Variants in ALCAM observed in about 807,000 individuals in gnomAD.
The protein encoded by ALCAM is CD166 antigen.
ALCAM carries 30 observed loss-of-function variants against 70.9 expected under a neutral mutation model. That is an observed-to-expected ratio of 0.42 (90% confidence interval 0.32 to 0.57). ALCAM has a LOEUF of 0.57. ALCAM is among the 20% of genes least tolerant of loss of function. The pLI is 0.11. For missense variants in ALCAM, 591 were observed against 695.1 expected, an observed-to-expected ratio of 0.85 and a Z score of 1.68; for synonymous variants, 249 against 242.5, an observed-to-expected ratio of 1.03 and a Z score of -0.25.
At chr3:105,552,659 C>A in intron 14 of ALCAM, 74 bp downstream of exon 14, 1 of 1,606,554 alleles carries the variant, frequency 6.2e-7, no homozygotes, top group South Asian at 1.1e-5. Flanking sequence ...TAATTTTGCT[C>A]ACTCCAGTCG....
chr3:105,388,411 G>A (rs2107347823), intron 1 of ALCAM, among the ~76,000 whole-genome samples: 1 of 151,618 alleles, frequency 6.6e-6, no homozygotes, highest in East Asian at 1.9e-4. Flanking sequence ...AATTTGAAAT[G>A]CTACTTTTGA....
chr3:105,425,289 T>C (rs987339193), intron 1 of ALCAM, among the ~76,000 whole-genome samples: 22 of 151,894 alleles, frequency 1.4e-4, no homozygotes, highest in African/African-American at 5.3e-4. Flanking sequence ...ACACATTGGT[T>C]CTATTTGCTC....
chr3:105,435,830 G>A (rs929665460), intron 1 of ALCAM, among the ~76,000 whole-genome samples: 9 of 151,874 alleles, frequency 5.9e-5, no homozygotes, highest in East Asian at 3.9e-4. Context: ...TCGCTCTGTC[G>A]CCCAGGCTGG....
At chr3:105,504,051 T>A (rs1385049553) in intron 1 of ALCAM, among the ~76,000 whole-genome samples, 1 of 152,228 alleles carries the variant, frequency 6.6e-6, no homozygotes, top group Non-Finnish European at 1.5e-5. Context: ...AGCACTTTTT[T>A]AAAGCAACTT....
At chr3:105,481,141 G>A (rs1938258920) in intron 1 of ALCAM, among the ~76,000 whole-genome samples, 1 of 152,038 alleles carries the variant, frequency 6.6e-6, no homozygotes, top group East Asian at 1.9e-4. Context: ...AAAGTGAAAT[G>A]TATCTTTTAC....
At chr3:105,467,263 G>A (rs533858807) in intron 1 of ALCAM, among the ~76,000 whole-genome samples, 1 of 151,290 alleles carries the variant, frequency 6.6e-6, no homozygotes, top group South Asian at 2.1e-4. Context: ...TCTAGTAAGA[G>A]TTTGGTGCAC....
At chr3:105,482,979 T>A (rs1238476400) in intron 1 of ALCAM, among the ~76,000 whole-genome samples, 2 of 152,086 alleles carry the variant, frequency 1.3e-5, no homozygotes, top group Non-Finnish European at 1.5e-5. Flanking sequence ...TTTCCCTTTG[T>A]CCCCAGCCAA....
intron 14 of ALCAM, among the ~76,000 whole-genome samples, chr3:105,559,107 G>A (rs934097701): frequency 6.6e-6 from 1 of 150,846 alleles, no homozygotes; most frequent in African/African-American, 2.4e-5. Flanking sequence ...AGGCACCGAT[G>A]AGGAAAATTT....
At chr3:105,471,462 G>A (rs1937923953) in intron 1 of ALCAM, among the ~76,000 whole-genome samples, 2 of 151,242 alleles carry the variant, frequency 1.3e-5, no homozygotes, top group Admixed American at 6.6e-5. Context: ...AAATTTGATG[G>A]TGTGGAGAGC....
chr3:105,573,484 A>G (rs1940899138), intron 15 of ALCAM, among the ~76,000 whole-genome samples: 2 of 152,190 alleles, frequency 1.3e-5, no homozygotes, highest in Admixed American at 1.3e-4. Flanking sequence ...TAGGTAGTAT[A>G]TGTATGTGTA....
intron 1 of ALCAM, among the ~76,000 whole-genome samples, chr3:105,499,822 G>A (rs955053511): frequency 3.3e-5 from 5 of 152,160 alleles, no homozygotes; most frequent in Non-Finnish European, 7.3e-5. Context: ...AACTATCTAA[G>A]TACAAATATG....
chr3:105,465,080 T>C (rs1189227890), intron 1 of ALCAM, among the ~76,000 whole-genome samples: 1 of 151,488 alleles, frequency 6.6e-6, no homozygotes, highest in Non-Finnish European at 1.5e-5. Flanking sequence ...GAAAAAATAG[T>C]ATCACTTAGA....
At chr3:105,507,670 G>A (rs1939120110) in intron 1 of ALCAM, among the ~76,000 whole-genome samples, 1 of 151,732 alleles carries the variant, frequency 6.6e-6, no homozygotes, top group South Asian at 2.1e-4. Flanking sequence ...TTCATCTGTT[G>A]AAGGACATCT....
intron 8 of ALCAM, among the ~76,000 whole-genome samples, chr3:105,544,245 C>T (rs1940190072): frequency 6.6e-6 from 1 of 151,520 alleles, no homozygotes; most frequent in South Asian, 2.1e-4. Flanking sequence ...CAAAATCTGC[C>T]AAGCTTTCTC....
intron 14 of ALCAM, among the ~76,000 whole-genome samples, chr3:105,568,062 T>A (rs1031016287): frequency 5.0e-5 from 5 of 99,236 alleles, no homozygotes; most frequent in African/African-American, 1.6e-4. Context: ...TATTTTATTT[T>A]ATTTTTTTTT....
intron 1 of ALCAM, among the ~76,000 whole-genome samples, chr3:105,500,028 T>C (rs1938874916): frequency 6.6e-6 from 1 of 152,198 alleles, no homozygotes; most frequent in South Asian, 2.1e-4. Flanking sequence ...AGAGCCTCTT[T>C]GTAGAAGGTC....
intron 1 of ALCAM, among the ~76,000 whole-genome samples, chr3:105,487,589 G>A (rs1163684154): frequency 6.6e-6 from 1 of 152,100 alleles, no homozygotes; most frequent in Non-Finnish European, 1.5e-5. Context: ...CAAAATAGGA[G>A]GACTAGAAAC....
At chr3:105,521,785 G>A (rs1183639899) in intron 2 of ALCAM, among the ~76,000 whole-genome samples, 1 of 152,160 alleles carries the variant, frequency 6.6e-6, no homozygotes, top group Non-Finnish European at 1.5e-5. Flanking sequence ...TCGTGTGAGT[G>A]GGAAATGAAA....
rs549769783 is a variant in ALCAM at position 105,461,433 on chromosome 3, G to A, written c.74-58634G>A. 9.9e-5 allele frequency among the ~76,000 whole-genome samples: 15 copies of A among 151,910 alleles called. No homozygotes were observed. The East Asian group carries it at 2.1e-3, about 22-fold the overall frequency. On this transcript the variant is annotated intron_variant, in intron 1 of 15. Transcript: ENST00000306107. ...AAGTCTTATTGGGAGTAAAAGACAC[G>A]TAACATGTTAAGAAATTGAAGAGTG...
Sources: allele counts gnomAD v4.1 joint callset (sites outside exome capture counted in the v4.1 genomes callset), GRCh38; gene constraint gnomAD v4.1.1; transcripts MANE v1.5; gene names NCBI Gene and HGNC (gene_info 2026-07-23, HGNC 2026-07-21).